The following OPCML variants were observed in gnomAD, a reference collection of about 807,000 sequenced individuals.
OPCML encodes the protein opioid-binding protein/cell adhesion molecule.
A neutral mutation model predicts 37.8 loss-of-function variants in OPCML; 13 were observed. That is an observed-to-expected ratio of 0.34 (90% confidence interval 0.22 to 0.55). The LOEUF (loss-of-function observed/expected upper bound fraction) is 0.55. Ranked by LOEUF, OPCML falls within the 20% of genes least tolerant of loss-of-function variation. The probability of loss-of-function intolerance (pLI) is 0.91; values close to 1 mark genes in which losing one functional copy is unlikely to be tolerated. For missense variants in OPCML, 341 were observed against 435.6 expected, an observed-to-expected ratio of 0.78 and a Z score of 1.93; for synonymous variants, 176 against 168.8, an observed-to-expected ratio of 1.04 and a Z score of -0.33.
At chr11:133,256,939 C>T (rs1216446397) in intron 1 of OPCML, among the ~76,000 whole-genome samples, 1 of 152,180 alleles carries the variant, frequency 6.6e-6, no homozygotes, top group Non-Finnish European at 1.5e-5. Flanking sequence ...GGCTGGTAGA[C>T]CAGCTCTACA....
chr11:132,634,485 T>C (rs1940354909), intron 3 of OPCML, among the ~76,000 whole-genome samples: 1 of 152,146 alleles, frequency 6.6e-6, no homozygotes, highest in African/African-American at 2.4e-5. Flanking sequence ...GAAATGTAAA[T>C]ATTCTATCCT....
At chr11:132,546,468 T>C (rs2096368899) in intron 3 of OPCML, among the ~76,000 whole-genome samples, 1 of 152,194 alleles carries the variant, frequency 6.6e-6, no homozygotes, top group Admixed American at 6.5e-5. Flanking sequence ...AAGTCCATTG[T>C]ATCATTCTTA....
At chr11:133,025,773 G>A (rs560912436) in intron 1 of OPCML, among the ~76,000 whole-genome samples, 168 of 125,300 alleles carry the variant, frequency 1.3e-3, no homozygotes, top group Non-Finnish European at 1.8e-3. Context: ...TCGATCTGTC[G>A]CCCAGGCTGG....
At chr11:133,110,373 T>A (rs1277835330) in intron 1 of OPCML, among the ~76,000 whole-genome samples, 3 of 152,174 alleles carry the variant, frequency 2.0e-5, no homozygotes, top group African/African-American at 7.2e-5. Context: ...ATATGTGTCC[T>A]CCAGTTTTGT....
At chr11:133,226,343 G>A (rs969489806) in intron 1 of OPCML, among the ~76,000 whole-genome samples, 4 of 152,342 alleles carry the variant, frequency 2.6e-5, no homozygotes, top group Non-Finnish European at 5.9e-5. Context: ...CGTATTTATG[G>A]TTTTGGGGGG....
At chr11:133,098,213 C>CTTTTT (rs749902124) in intron 1 of OPCML, among the ~76,000 whole-genome samples, 2 of 133,740 alleles carry the variant, frequency 1.5e-5, no homozygotes, top group African/African-American at 2.8e-5. Context: ...GCTGGTTAAA[C>CTTTTT]TTTTTTTTTT....
rs2137642280 is a variant in OPCML at position 132,582,318 on chromosome 11, G to T, written c.380-53132C>A. Among the ~76,000 whole-genome samples, 3 of 151,990 alleles carry T rather than the reference G, an allele frequency of 2.0e-5. 1 individual carries two copies. The South Asian group carries it at 6.3e-4, about 32-fold the overall frequency. On this transcript the variant is annotated intron_variant, in intron 3 of 7. Transcript: ENST00000524381. The stretch of plus-strand genomic sequence containing the variant: ...ATTGAAAGAAAGATCATAAACCTAA[G>T]TAAACAAGTTGAAGGTCAAACAATA...
At chr11:133,149,172 T>C (rs1949939482) in intron 1 of OPCML, among the ~76,000 whole-genome samples, 1 of 152,204 alleles carries the variant, frequency 6.6e-6, no homozygotes, top group South Asian at 2.1e-4. Context: ...GAAGGTCTGT[T>C]ATTTAGGTTT....
intron 1 of OPCML, among the ~76,000 whole-genome samples, chr11:133,156,358 C>T (rs1019384740): frequency 6.6e-6 from 1 of 152,236 alleles, no homozygotes; most frequent in African/African-American, 2.4e-5. Flanking sequence ...ATCTAGCCAA[C>T]TCTTCCTCAG....
At chr11:133,117,485 G>A (rs757687332) in intron 1 of OPCML, among the ~76,000 whole-genome samples, 8 of 152,114 alleles carry the variant, frequency 5.3e-5, no homozygotes, top group Non-Finnish European at 5.9e-5. Context: ...GGGCCCCATC[G>A]CAGATGCCCA....
Position 133,390,418 on chromosome 11 carries a change from G to A in OPCML, c.61+141846C>T, listed in dbSNP as rs527400865. Reference sequence around the variant, plus strand: ...GTGGAGCTTGCAGCGAGCCGAGATCGCGCCACTGCACTCCAGCCCGGGTGA... The same window carrying A: ...GTGGAGCTTGCAGCGAGCCGAGATCACGCCACTGCACTCCAGCCCGGGTGA... On this transcript the variant is annotated intron_variant, in intron 1 of 7. Transcript: ENST00000524381. Among the ~76,000 whole-genome samples the A allele has an allele frequency of 5.3e-5, 8 of 152,194 alleles. No individual in the cohort carries two copies. In the South Asian group the frequency reaches 1.0e-3, roughly 20 times the overall value.
chr11:132,662,766 GA>G (rs1555171286), intron 2 of OPCML, among the ~76,000 whole-genome samples: 2 of 152,164 alleles, frequency 1.3e-5, no homozygotes, highest in Non-Finnish European at 2.9e-5. Flanking sequence ...ATGCATGTCC[GA>G]AAATTGTGTC....
rs1257687773 is a variant in OPCML, at chr11:132,710,679, T to C, written c.147-53360A>G. ...ACCAGCTTGGCCAACATGTATCTAC[T>C]AAAAAATACAAAAAAAAAAAAAAAA... On this transcript the variant is annotated intron_variant, in intron 2 of 7. Coordinates refer to ENST00000524381, the MANE Select transcript of OPCML (RefSeq NM_001012393.5). Among the ~76,000 whole-genome samples, 4 of 100,744 alleles carry C rather than the reference T, an allele frequency of 4.0e-5. No homozygotes were observed. The Admixed American group carries it at 4.3e-4, about 11-fold the overall frequency. The allele number at this position is 100,744 out of a possible 152,430, so 66.1% of individuals were successfully genotyped here.
intron 1 of OPCML, among the ~76,000 whole-genome samples, chr11:132,974,406 C>T (rs1398918955): frequency 6.6e-6 from 1 of 152,174 alleles, no homozygotes; most frequent in Non-Finnish European, 1.5e-5. Context: ...CGAAAAAGCT[C>T]ATCATCACTG....
At chr11:132,834,222 A>T (rs559375271) in intron 2 of OPCML, among the ~76,000 whole-genome samples, 19 of 152,310 alleles carry the variant, frequency 1.2e-4, no homozygotes, top group African/African-American at 4.3e-4. Context: ...AAATACCTTT[A>T]AGGACTTTGG....
In OPCML at chr11:132,994,256, G is replaced by C. The variant is rs541560160; in HGVS notation, c.62-51246C>G. 5.3e-5 allele frequency among the ~76,000 whole-genome samples: 8 copies of C among 152,282 alleles called. No homozygotes were observed. In the South Asian group the frequency reaches 1.0e-3, roughly 20 times the overall value. ...AGCCGGCGCGCGCGGGAGCACGTCC[G>C]GGGCTTTTACGGCCGGAACTCGGGC... On this transcript the variant is annotated intron_variant, in intron 1 of 7. Transcript: ENST00000524381.
At chr11:132,532,209 G>A (rs1272636838) in intron 3 of OPCML, among the ~76,000 whole-genome samples, 1 of 152,112 alleles carries the variant, frequency 6.6e-6, no homozygotes, top group Non-Finnish European at 1.5e-5. Flanking sequence ...GTGGGATCGC[G>A]AAGACTAACC....
In OPCML at chr11:132,888,411, C is replaced by T. The variant is rs1024666474; in HGVS notation, c.146+54515G>A. Among the ~76,000 whole-genome samples, 41 of 152,294 alleles carry T rather than the reference C, an allele frequency of 2.7e-4. 1 individual carries two copies. Among genetic ancestry groups the T allele is most frequent in the African/African-American group, 9.4e-4 (39 of 41,560 alleles). On this transcript the variant is annotated intron_variant, in intron 2 of 7. Transcript: ENST00000524381. ...ACAAATTGAAGGAAGCACAGCCATG[C>T]CTTCAGCATGCTCGGTGAGGGATGC...
chr11:132,836,940 G>A (rs887167768), intron 2 of OPCML, among the ~76,000 whole-genome samples: 3 of 152,108 alleles, frequency 2.0e-5, no homozygotes, highest in Admixed American at 6.6e-5. Context: ...AATGCCAAAG[G>A]AGCCACAAGA....
Sources: gnomAD v4.1 joint callset for allele counts (sites outside exome capture counted in the v4.1 genomes callset) on GRCh38, gnomAD v4.1.1 for gene constraint, MANE v1.5 for transcripts, NCBI Gene and HGNC (gene_info 2026-07-23, HGNC 2026-07-21) for gene names.